RAF1: variants seen among roughly 807,000 people sequenced by gnomAD.
RAF1 encodes RAF proto-oncogene serine/threonine-protein kinase.
RAF1 carries 27 observed loss-of-function variants against 81.1 expected under a neutral mutation model. The ratio of observed to expected loss-of-function variants is 0.33; its 90% CI spans 0.25 to 0.46. The LOEUF (loss-of-function observed/expected upper bound fraction) is 0.46, where lower values mean the gene tolerates loss of function less well. RAF1 is among the 20% of genes least tolerant of loss of function. The pLI is 1.00. For missense variants in RAF1, 598 were observed against 826.0 expected (o/e 0.72, Z 3.38); for synonymous variants, 298 against 294.0 (o/e 1.01, Z -0.14).
intron 1 of RAF1, 131 bp from the exon 2 acceptor site, chr3:12,618,878 GA>G (rs1463437524): frequency 1.4e-6 from 1 of 720,040 alleles, no homozygotes; most frequent in Non-Finnish European, 2.4e-6. Context: ...CATCAGCAAA[GA>G]AAAGTTTCTT....
intron 8 of RAF1, among the ~76,000 whole-genome samples, chr3:12,601,832 T>C (rs1278457291): frequency 2.0e-5 from 3 of 152,138 alleles, no homozygotes; most frequent in Non-Finnish European, 4.4e-5. Context: ...AGAATGAAGA[T>C]CCACCCCTAA....
At chr3:12,618,850 A>G (rs1235230699) in intron 1 of RAF1, 103 bp from the exon 2 acceptor site, 1 of 879,040 alleles carries the variant, frequency 1.1e-6, no homozygotes, top group African/African-American at 1.7e-5. Context: ...GTGGGTTTTT[A>G]ATGATACCTC....
At chr3:12,585,657 G>T in intron 15 of RAF1, 24 bp downstream of exon 14, 1 of 1,555,468 alleles carries the variant, frequency 6.4e-7, no homozygotes, top group Non-Finnish European at 8.9e-7. Context: ...ACCAGAGACT[G>T]CTGGTGGGAG....
At chr3:12,607,719 G>A (rs1046188662) in intron 5 of RAF1, among the ~76,000 whole-genome samples, 23 of 151,836 alleles carry the variant, frequency 1.5e-4, no homozygotes, top group African/African-American at 5.1e-4. Flanking sequence ...TTGGGAGGCC[G>A]AGGTGGGCAG....
intron 11 of RAF1, among the ~76,000 whole-genome samples, chr3:12,598,317 A>G (rs1016487614): frequency 6.6e-6 from 1 of 152,114 alleles, no homozygotes; most frequent in Non-Finnish European, 1.5e-5. Context: ...AGCCAGATGC[A>G]ATTTTCAAAG....
intron 2 of RAF1, among the ~76,000 whole-genome samples, chr3:12,614,007 T>C (rs981833187): frequency 6.6e-6 from 1 of 152,186 alleles, no homozygotes; most frequent in African/African-American, 2.4e-5. Context: ...CCTTTGGAGT[T>C]TGTGATAGCC....
At chr3:12,640,906 A>G (rs563345433) in intron 1 of RAF1, among the ~76,000 whole-genome samples, 15 of 152,286 alleles carry the variant, frequency 9.8e-5, no homozygotes, top group Non-Finnish European at 1.8e-4. Flanking sequence ...ATAAAGACAC[A>G]TGCACACATA....
intron 1 of RAF1, among the ~76,000 whole-genome samples, chr3:12,629,613 A>C (rs2059805854): frequency 6.6e-6 from 1 of 152,162 alleles, no homozygotes; most frequent in South Asian, 2.1e-4. Context: ...GAATATTCAC[A>C]AATCTCACCA....
chr3:12,644,860 G>T lies in RAF1; in HGVS notation c.-27+18953C>A, dbSNP rs539727098. Among the ~76,000 whole-genome samples, 6 of 152,154 alleles carry T rather than the reference G, an allele frequency of 3.9e-5. No individual in the cohort carries two copies. In the South Asian group the frequency reaches 1.2e-3, roughly 32 times the overall value. Reference sequence around the variant, plus strand: ...CATGGCTATAATCCCAGCACTTTGGGAGGCAGAGATGGGTGGATCACAAGG... The same window carrying T: ...CATGGCTATAATCCCAGCACTTTGGTAGGCAGAGATGGGTGGATCACAAGG... On this transcript the variant is annotated intron_variant, in intron 1 of 17. Coordinates refer to ENST00000442415, the MANE Select transcript of RAF1 (RefSeq NM_001354689.3).
intron 15 of RAF1, 118 bp from the exon 15 acceptor site, chr3:12,585,371 A>C (rs1231870153): frequency 1.9e-5 from 29 of 1,554,002 alleles, no homozygotes; most frequent in Non-Finnish European, 2.3e-5. Context: ...TTCAGTCCCC[A>C]CATAGCTTTT....
intron 1 of RAF1, among the ~76,000 whole-genome samples, chr3:12,624,967 C>G (rs2059661387): frequency 6.7e-6 from 1 of 148,724 alleles, no homozygotes; most frequent in African/African-American, 2.5e-5. Context: ...GCAAAAAAAA[C>G]AGGAAATTAA....
At chr3:12,662,140 G>A (rs2060898131) in intron 1 of RAF1, among the ~76,000 whole-genome samples, 1 of 151,300 alleles carries the variant, frequency 6.6e-6, no homozygotes, top group Non-Finnish European at 1.5e-5. Flanking sequence ...TTTGAGACCA[G>A]CCTAGGCAAC....
intron 1 of RAF1, among the ~76,000 whole-genome samples, chr3:12,630,604 A>T (rs2059832086): frequency 6.6e-6 from 1 of 152,206 alleles, no homozygotes; most frequent in Non-Finnish European, 1.5e-5. Context: ...CATTCCAGGC[A>T]GAAAGAACAG....
chr3:12,632,462 GCTA>G (rs1480178929), intron 1 of RAF1, among the ~76,000 whole-genome samples: 3 of 152,086 alleles, frequency 2.0e-5, no homozygotes, highest in Non-Finnish European at 4.4e-5. Context: ...GGAGGGTTGT[GCTA>G]CTACTTCATC....
intron 1 of RAF1, among the ~76,000 whole-genome samples, chr3:12,644,043 C>T (rs1170407838): frequency 6.6e-6 from 1 of 152,098 alleles, no homozygotes; most frequent in African/African-American, 2.4e-5. Context: ...CTTTCAAAAA[C>T]CCTGGAAAGG....
chr3:12,641,024 T>C (rs1319406019), intron 1 of RAF1, among the ~76,000 whole-genome samples: 2 of 152,114 alleles, frequency 1.3e-5, no homozygotes, highest in Non-Finnish European at 2.9e-5. Context: ...CACGGAATAC[T>C]ATGCAGCCAT....
At chr3:12,643,669 G>C (rs1030074286) in intron 1 of RAF1, among the ~76,000 whole-genome samples, 3 of 151,846 alleles carry the variant, frequency 2.0e-5, no homozygotes, top group African/African-American at 7.3e-5. Flanking sequence ...CCGGAAGGCA[G>C]AGGTTGCAGT....
chr3:12,637,156 C>T lies in RAF1; in HGVS notation c.-26-18409G>A, dbSNP rs80162759. The stretch of plus-strand genomic sequence containing the variant: ...TTCTTCAAGTGAAAAGCTGAACTCG[C>T]TCAATTTTTAAGTGTATTATACTCA... On this transcript the variant is annotated intron_variant, in intron 1 of 17. Coordinates refer to ENST00000442415, the MANE Select transcript of RAF1 (RefSeq NM_001354689.3). Among the ~76,000 whole-genome samples, 906 of 152,280 alleles carry T rather than the reference C, an allele frequency of 5.9e-3. 2 individuals are homozygous for T. The highest frequency in any genetic ancestry group is 0.031 in the Middle Eastern group (9 of 294).
chr3:12,617,211 C>T (rs2059395887), intron 2 of RAF1, among the ~76,000 whole-genome samples: 1 of 152,170 alleles, frequency 6.6e-6, no homozygotes, highest in Non-Finnish European at 1.5e-5. Context: ...CTCCCGGGTT[C>T]GAGTGATTCT....
Sources: allele counts gnomAD v4.1 joint callset (sites outside exome capture counted in the v4.1 genomes callset), GRCh38; gene constraint gnomAD v4.1.1; transcripts MANE v1.5; gene names NCBI Gene and HGNC (gene_info 2026-07-23, HGNC 2026-07-21).